Variants in TANGO6 observed in about 807,000 individuals in gnomAD.
The protein encoded by TANGO6 is transport and Golgi organization protein 6 homolog.
In TANGO6, 90 loss-of-function variants were observed where a neutral mutation model predicts 114.2. The ratio of observed to expected loss-of-function variants is 0.79; its 90% CI spans 0.66 to 0.94. The LOEUF (loss-of-function observed/expected upper bound fraction) is 0.94, where lower values mean the gene tolerates loss of function less well. Among genes scored for constraint, TANGO6 ranks in the 40% least tolerant of loss-of-function variants. The pLI is 0.00. For synonymous variants in TANGO6, 477 were observed against 509.8 expected (o/e 0.94, Z 0.87); for missense variants, 1,274 against 1,315.3 (o/e 0.97, Z 0.49).
chr16:68,933,152 C>T (rs190937360), intron 14 of TANGO6, among the ~76,000 whole-genome samples: 6 of 152,198 alleles, frequency 3.9e-5, no homozygotes, highest in East Asian at 1.9e-4. Flanking sequence ...CTGTGGCTCA[C>T]GCCTATCATC....
chr16:68,920,941 G>A (rs887822459), intron 12 of TANGO6, among the ~76,000 whole-genome samples: 3 of 151,374 alleles, frequency 2.0e-5, no homozygotes, highest in African/African-American at 4.8e-5. Context: ...GTGAAACTCC[G>A]TCTCTACTAA....
In TANGO6 at chr16:69,055,912, G is replaced by A. The variant is rs369825702; in HGVS notation, c.3108+15491G>A. 1.6e-4 allele frequency among the ~76,000 whole-genome samples: 25 copies of A among 152,162 alleles called. No individual in the cohort carries two copies. In the East Asian group the frequency reaches 2.9e-3, roughly 18 times the overall value. ...AAATTAGCCGGGAGTGGTGGTGGGC[G>A]TCTGTAATCCCAGCTACTTGGGAGG... On this transcript the variant is annotated intron_variant, in intron 17 of 17. Transcript: ENST00000261778.
chr16:69,034,893 T>G (rs1205105137), intron 16 of TANGO6: 1 of 151,822 alleles, frequency 6.6e-6, no homozygotes, highest in Non-Finnish European at 1.5e-5. Context: ...AATTTTTCCT[T>G]GTTCTTGTCA....
chr16:68,927,819 C>T lies in TANGO6; in HGVS notation c.2379C>T (p.Ser793=). 3.1e-6 allele frequency: 5 copies of T among 1,613,988 alleles called. No homozygotes were observed. Among genetic ancestry groups the T allele is most frequent in the Non-Finnish European group, 4.2e-6 (5 of 1,179,890 alleles). ...SHERPTDVAH[S]HLEQQQSHET... is the part of the protein sequence containing the mutation. ...AAAGACCCACTGATGTAGCTCATAG[C>T]CACCTTGAACAACAGCAGAGCCATG... The change falls in exon 13 of 18, where the codon AGC becomes AGT. Residue 793 remains serine, a synonymous_variant. Transcript: ENST00000261778.
intron 15 of TANGO6, among the ~76,000 whole-genome samples, chr16:68,987,210 C>T (rs536673569): frequency 2.6e-5 from 4 of 151,970 alleles, no homozygotes; most frequent in Admixed American, 1.3e-4. Context: ...TCTATGTGTG[C>T]TAATAAAAAT....
chr16:68,929,145 C>G (rs1018248005), intron 13 of TANGO6, among the ~76,000 whole-genome samples: 1 of 151,880 alleles, frequency 6.6e-6, no homozygotes, highest in Non-Finnish European at 1.5e-5. Context: ...TGTTGAACTC[C>G]TCACATCAAG....
chr16:68,945,623 G>C (rs1597031710), intron 14 of TANGO6, among the ~76,000 whole-genome samples: 1 of 151,926 alleles, frequency 6.6e-6, no homozygotes, highest in Admixed American at 6.6e-5. Context: ...TGATGTTGAA[G>C]ATCTTTTTAT....
At chr16:69,030,879 G>A (rs199806750) in intron 16 of TANGO6, among the ~76,000 whole-genome samples, 4 of 150,218 alleles carry the variant, frequency 2.7e-5, no homozygotes, top group African/African-American at 4.9e-5. Flanking sequence ...GTGAAACCCC[G>A]TCTCTACTAA....
rs568575108 is a variant in TANGO6 at position 68,967,825 on chromosome 16, G to A, written c.2702-6203G>A. Among the ~76,000 whole-genome samples, 3 of 152,228 alleles carry A rather than the reference G, an allele frequency of 2.0e-5. No homozygotes were observed. The East Asian group carries it at 5.8e-4, about 29-fold the overall frequency. ...CAGTTCCCTGGGATAGAGCCAGTTA[G>A]CAAAGACATTTTAGAATTAGACTGA... On this transcript the variant is annotated intron_variant, in intron 14 of 17. Coordinates refer to ENST00000261778, the MANE Select transcript of TANGO6 (RefSeq NM_024562.2).
Position 68,911,223 on chromosome 16 carries a change from A to G in TANGO6, c.1992+1821A>G, listed in dbSNP as rs1288473721. Among the ~76,000 whole-genome samples, 5 of 152,174 alleles carry G rather than the reference A, an allele frequency of 3.3e-5. No individual in the cohort carries two copies. In the Middle Eastern group the frequency reaches 0.01, roughly 311 times the overall value. On this transcript the variant is annotated intron_variant, in intron 11 of 17. Transcript: ENST00000261778. ...CACCTCAGCCTCCCAAGTAGCTGAG[A>G]CAACAGGTGCACACCACCGTGCCCA...
intron 15 of TANGO6, among the ~76,000 whole-genome samples, chr16:69,010,667 G>C (rs1964135156): frequency 6.6e-6 from 1 of 152,076 alleles, no homozygotes; most frequent in South Asian, 2.1e-4. Flanking sequence ...CCTCCTCCAT[G>C]AAATCTTCCC....
intron 14 of TANGO6, among the ~76,000 whole-genome samples, chr16:68,957,585 G>C (rs1412659186): frequency 1.3e-5 from 2 of 151,706 alleles, no homozygotes; most frequent in Admixed American, 6.6e-5. Flanking sequence ...TTTTAGTAGA[G>C]ACTGGGTTTC....
rs760813972 is a variant in TANGO6, at chr16:68,900,590, C to A, written c.1490+44C>A. 19 of 1,413,938 alleles carry A rather than the reference C, an allele frequency of 1.3e-5. No homozygotes were observed. In the East Asian group the frequency reaches 1.6e-4, roughly 12 times the overall value. 87.6% of individuals were successfully genotyped at this position (1,413,938 alleles called of 1,614,324 possible). A position where few individuals can be genotyped will look rare whatever the true frequency, so the allele number is the denominator to read the frequency against. On this transcript the variant is annotated intron_variant, in intron 8 of 17. Transcript: ENST00000261778. Reference sequence around the variant, plus strand: ...CTTATTTGTTTATAAATTGTGACGTCTTTTTTGCATGTTGTTTTTGTTCTT... The same window carrying A: ...CTTATTTGTTTATAAATTGTGACGTATTTTTTGCATGTTGTTTTTGTTCTT...
At chr16:69,036,684 G>A (rs949623609) in intron 16 of TANGO6, among the ~76,000 whole-genome samples, 12 of 152,120 alleles carry the variant, frequency 7.9e-5, no homozygotes, top group African/African-American at 2.7e-4. Context: ...GGCCTTGACC[G>A]GGGTGCAGTA....
chr16:68,908,688 G>T (rs1033225980), intron 10 of TANGO6, among the ~76,000 whole-genome samples: 1 of 152,184 alleles, frequency 6.6e-6, no homozygotes, highest in Non-Finnish European at 1.5e-5. Flanking sequence ...TTAGAAGTTA[G>T]TTCTAAGTAT....
chr16:69,044,514 C>T (rs373400922), intron 17 of TANGO6, among the ~76,000 whole-genome samples: 11 of 151,946 alleles, frequency 7.2e-5, no homozygotes, highest in African/African-American at 2.7e-4. Flanking sequence ...AACCTAGGGA[C>T]AAGTATACTT....
At chr16:69,057,695 A>G in intron 17 of TANGO6, among the ~76,000 whole-genome samples, 1 of 152,198 alleles carries the variant, frequency 6.6e-6, no homozygotes, top group East Asian at 1.9e-4. Flanking sequence ...ATCCAAAAGG[A>G]AAAGAGGCCA....
chr16:68,878,202 A>G lies in TANGO6; in HGVS notation c.1216A>G (p.Arg406Gly). 1 of 1,613,590 alleles carries G rather than the reference A, an allele frequency of 6.2e-7. No homozygotes were observed. The highest frequency in any genetic ancestry group is 1.1e-5 in the South Asian group (1 of 90,922). ...CACCACTACCTTTATAACTTTGTCA[A>G]GAGAACGCCCACATTTGGCAGCAAA... Reference protein sequence around the residue: ...VATTTFITLSRERPHLAAKYL... With the variant: ...VATTTFITLSGERPHLAAKYL... Residue 406 changes from arginine to glycine, a missense_variant, in exon 6 of 18, where the codon AGA (arginine) becomes GGA (glycine). By Grantham distance (125) the Arg-to-Gly change is moderately radical. Around this residue, in one of 5 missense-constraint regions of TANGO6, gnomAD observed 908 missense variants for 910.2 expected, o/e 1.00. Coordinates refer to ENST00000261778, the MANE Select transcript of TANGO6 (RefSeq NM_024562.2).
intron 16 of TANGO6, chr16:69,026,417 C>T (rs185163054): frequency 5.7e-5 from 10 of 175,498 alleles, no homozygotes; most frequent in South Asian, 2.9e-4. Flanking sequence ...CAAACCAGAC[C>T]ATGGAGCCAC....
Sources: allele counts gnomAD v4.1 joint callset (sites outside exome capture counted in the v4.1 genomes callset), GRCh38; gene constraint gnomAD v4.1.1; regional missense constraint gnomAD v4.1.1; transcripts MANE v1.5; gene names NCBI Gene and HGNC (gene_info 2026-07-23, HGNC 2026-07-21).